Variants in AOPEP observed in about 807,000 individuals in gnomAD.
AOPEP encodes aminopeptidase O (putative), also known as aminopeptidase O.
Under a neutral mutation model 98.1 loss-of-function variants are expected in AOPEP, and 77 were observed. That is an observed-to-expected ratio of 0.78 (90% CI 0.65 to 0.95). The LOEUF (loss-of-function observed/expected upper bound fraction) is 0.95, where lower values mean the gene tolerates loss of function less well. AOPEP is among the 40% of genes least tolerant of loss of function. AOPEP has a pLI of 0.00. For synonymous variants in AOPEP, 346 were observed against 365.3 expected, an observed-to-expected ratio of 0.95 and a Z score of 0.60; for missense variants, 1,024 against 1,024.7, an observed-to-expected ratio of 1.00 and a Z score of 0.01.
At chr9:95,140,823 A>C in the AOPEP span, among the ~76,000 whole-genome samples, 2 of 152,154 alleles carry the variant, frequency 1.3e-5, no homozygotes, top group Admixed American at 1.3e-4. Context: ...TTCAGACAAA[A>C]GTTGCCATCA....
the AOPEP span, among the ~76,000 whole-genome samples, chr9:95,093,798 G>A: frequency 1.3e-5 from 2 of 152,126 alleles, no homozygotes; most frequent in East Asian, 1.9e-4. Flanking sequence ...TTGCATGGAC[G>A]CGCTGTAACT....
At position 94,924,054 on chromosome 9, in the gene AOPEP, G is replaced by T. The variant is rs953920598; in HGVS notation, c.1433G>T (p.Cys478Phe). 2.6e-6 allele frequency: 4 copies of T among 1,525,708 alleles called. No individual in the cohort carries two copies. In the African/African-American group the frequency reaches 5.6e-5, roughly 21 times the overall value. The allele number at this position is 1,525,708 out of a possible 1,614,324, so 94.5% of individuals were successfully genotyped here. A position where few individuals can be genotyped will look rare whatever the true frequency, so the allele number is the denominator to read the frequency against. Residue 478 changes from cysteine to phenylalanine, a missense_variant, in exon 6 of 17, where the codon TGC (cysteine) becomes TTC (phenylalanine). Physicochemically the swap from Cys to Phe is radical, Grantham distance 205. Coordinates refer to ENST00000375315, the MANE Select transcript of AOPEP (RefSeq NM_001193329.3). ...GGNHLCGTRL[C>F]HEIAHAWFGL... is the part of the protein sequence containing the mutation. The stretch of plus-strand genomic sequence containing the variant: ...AACCATCTCTGTGGGACCCGCCTCT[G>T]CCATGAAATTGCCCATGCCTGGTTT...
At chr9:94,999,919 C>G (rs2061454812) in intron 11 of AOPEP, among the ~76,000 whole-genome samples, 1 of 152,106 alleles carries the variant, frequency 6.6e-6, no homozygotes, top group Non-Finnish European at 1.5e-5. Flanking sequence ...TACATGTTCC[C>G]TCAGTTGATC....
In AOPEP at chr9:94,885,348, C is replaced by CAAAAAAAAAAA. The variant is rs71366268; in HGVS notation, c.1365-38606_1365-38596dup. The stretch of plus-strand genomic sequence containing the variant: ...TGGGTGACAGAGTGAGATCCTGTCT[C>CAAAAAAAAAAA]AAAAAAAAAAAAAAAAAAAAAAAAA... On this transcript the variant is annotated intron_variant, in intron 5 of 16. Transcript: ENST00000375315. Among the ~76,000 whole-genome samples the CAAAAAAAAAAA allele has an allele frequency of 7.5e-4, 27 of 35,988 alleles. 4 individuals are homozygous for CAAAAAAAAAAA. Among genetic ancestry groups the CAAAAAAAAAAA allele is most frequent in the Admixed American group, 1.2e-3 (2 of 1,622 alleles). 23.6% of individuals were successfully genotyped at this position (35,988 alleles called of 152,430 possible).
At chr9:94,933,616 G>T in intron 7 of AOPEP, 1 of 985,340 alleles carries the variant, frequency 1.0e-6, no homozygotes, top group Non-Finnish European at 1.2e-6. Context: ...TAATAATAGG[G>T]GGAAAACCCC....
At chr9:94,776,809 C>T (rs1842207265) in intron 3 of AOPEP, among the ~76,000 whole-genome samples, 1 of 151,848 alleles carries the variant, frequency 6.6e-6, no homozygotes, top group Non-Finnish European at 1.5e-5. Flanking sequence ...TATGTATTTT[C>T]TAGGAATTAC....
At chr9:94,822,878 A>G (rs1853566756) in intron 5 of AOPEP, among the ~76,000 whole-genome samples, 1 of 152,110 alleles carries the variant, frequency 6.6e-6, no homozygotes, top group Non-Finnish European at 1.5e-5. Flanking sequence ...GTAATTCTGT[A>G]TCTCGCCCGT....
intron 11 of AOPEP, among the ~76,000 whole-genome samples, chr9:95,001,832 C>T (rs999041886): frequency 2.0e-5 from 3 of 152,172 alleles, no homozygotes; most frequent in Non-Finnish European, 4.4e-5. Context: ...GGCTGGAGTG[C>T]AGTGGTGCCA....
intron 5 of AOPEP, among the ~76,000 whole-genome samples, chr9:94,867,687 A>C (rs1013856434): frequency 1.3e-5 from 2 of 152,150 alleles, no homozygotes; most frequent in African/African-American, 4.8e-5. Context: ...CTTTGCAAAC[A>C]CCTTGGCCTG....
intron 5 of AOPEP, among the ~76,000 whole-genome samples, chr9:94,887,856 C>T (rs747047039): frequency 8.5e-5 from 13 of 152,140 alleles, no homozygotes; most frequent in Non-Finnish European, 1.6e-4. Context: ...ACTAGGGCTG[C>T]GCATGTTTAA....
At chr9:94,918,011 C>G (rs1303839404) in intron 5 of AOPEP, among the ~76,000 whole-genome samples, 4 of 152,132 alleles carry the variant, frequency 2.6e-5, no homozygotes. Flanking sequence ...ATTTTGTTAT[C>G]TTCTTGCCTC....
chr9:94,745,565 G>A (rs1834293930), intron 1 of AOPEP, among the ~76,000 whole-genome samples: 1 of 152,136 alleles, frequency 6.6e-6, no homozygotes, highest in Non-Finnish European at 1.5e-5. Context: ...GTGAGCCACC[G>A]TGCCCGGCAA....
intron 7 of AOPEP, chr9:94,932,609 AAGTAGCTGG>A (rs1301293965): frequency 6.0e-6 from 1 of 165,642 alleles, no homozygotes; most frequent in African/African-American, 2.4e-5. Flanking sequence ...TCAGTCTCCC[AAGTAGCTGG>A]AACTGTAGGC....
At chr9:94,996,517 G>A (rs1000945712) in intron 11 of AOPEP, among the ~76,000 whole-genome samples, 1 of 152,074 alleles carries the variant, frequency 6.6e-6, no homozygotes, top group Non-Finnish European at 1.5e-5. Context: ...TGAGTGCCAA[G>A]CTTTTTAAAA....
chr9:94,747,041 G>A (rs1267702925), intron 1 of AOPEP, among the ~76,000 whole-genome samples: 1 of 143,526 alleles, frequency 7.0e-6, no homozygotes, highest in Non-Finnish European at 1.5e-5. Flanking sequence ...ACTCCAGTGG[G>A]TTTTTTTTTT....
At chr9:94,883,272 A>T (rs552482749) in intron 5 of AOPEP, among the ~76,000 whole-genome samples, 14 of 152,340 alleles carry the variant, frequency 9.2e-5, no homozygotes, top group Non-Finnish European at 1.6e-4. Context: ...CATTTAACAG[A>T]GTTTAATTGA....
At chr9:94,744,527 C>A (rs1477048448) in intron 1 of AOPEP, among the ~76,000 whole-genome samples, 1 of 151,582 alleles carries the variant, frequency 6.6e-6, no homozygotes, top group East Asian at 1.9e-4. Flanking sequence ...ATGGAGAAAC[C>A]CCGTCTCTAG....
the AOPEP span, chr9:95,111,161 C>T: frequency 3.9e-6 from 6 of 1,535,436 alleles, no homozygotes; most frequent in African/African-American, 8.2e-5. Flanking sequence ...GAGGACGCGA[C>T]CCTGGGGCAG....
At chr9:94,864,878 G>C (rs1464266932) in intron 5 of AOPEP, among the ~76,000 whole-genome samples, 3 of 152,092 alleles carry the variant, frequency 2.0e-5, no homozygotes, top group African/African-American at 7.2e-5. Flanking sequence ...GTAAAACAAA[G>C]AGCCATCAGC....
Sources: gnomAD v4.1 joint callset for allele counts (sites outside exome capture counted in the v4.1 genomes callset) on GRCh38, gnomAD v4.1.1 for gene constraint, MANE v1.5 for transcripts, NCBI Gene and HGNC (gene_info 2026-07-23, HGNC 2026-07-21) for gene names.